Variants in TYK2 observed in about 807,000 individuals in gnomAD.
TYK2 encodes the protein non-receptor tyrosine-protein kinase TYK2.
TYK2 carries 65 observed loss-of-function variants against 130.9 expected under a neutral mutation model. The observed-to-expected ratio is 0.50, with a 90% CI of 0.41 to 0.61. The LOEUF is 0.61. TYK2 is among the 20% of genes least tolerant of loss of function. The pLI, the probability that TYK2 is intolerant of heterozygous loss-of-function variation, is 0.00. For synonymous variants in TYK2, 647 were observed against 658.9 expected (o/e 0.98, Z 0.28); for missense variants, 1,378 against 1,610.7 (o/e 0.86, Z 2.47).
At chr19:10,373,734 C>G (rs926567979) in intron 3 of TYK2, among the ~76,000 whole-genome samples, 9 of 152,174 alleles carry the variant, frequency 5.9e-5, no homozygotes, top group African/African-American at 2.2e-4. Context: ...CTCCCCATTG[C>G]TCCCGGAGAA....
rs752152984 is a variant in TYK2, at chr19:10,378,228, A to G, written c.179T>C (p.Ile60Thr). The G allele has an allele frequency of 1.2e-5, 19 of 1,612,670 alleles. No individual in the cohort carries two copies. The highest frequency in any genetic ancestry group is 2.2e-5 in the East Asian group (1 of 44,882). Residue 60 changes from isoleucine to threonine, a missense_variant, in exon 3 of 25, where the codon ATT becomes ACT. Transcript: ENST00000525621. The part of the protein sequence containing the change: ...SLTAEEVCIH[I>T]AHKVGITPPC... ...CCCAGACTCACCAACTTTATGTGCA[A>G]TGTGGATGCAGACTTCCTCAGCTGT...
At chr19:10,362,755 C>CAG (rs1287512325) in intron 9 of TYK2, 98 bp from the exon 10 acceptor site, 1 of 1,046,892 alleles carries the variant, frequency 9.6e-7, no homozygotes, top group Non-Finnish European at 1.4e-6. Flanking sequence ...AGGGCACACA[C>CAG]ACAGCTAGGA....
rs2040901228 is a variant in TYK2 at position 10,353,181 on chromosome 19, C to G, written c.3028-83G>C. 7.8e-7 allele frequency: 1 copy of G among 1,277,548 alleles called. No individual in the cohort carries two copies. The highest frequency in any genetic ancestry group is 1.0e-6 in the Non-Finnish European group (1 of 966,782). The allele number at this position is 1,277,548 out of a possible 1,614,324, so 79.1% of individuals were successfully genotyped here. A position where few individuals can be genotyped will look rare whatever the true frequency, so the allele number is the denominator to read the frequency against. ...GGCAGGACCTGAGCAGCCAGGAGGG[C>G]TGGGGGACAGTCAGGTCAGGCCGGT... On this transcript the variant is annotated intron_variant, in intron 21 of 24. Coordinates refer to ENST00000525621, the MANE Select transcript of TYK2 (RefSeq NM_003331.5). This position sits in a 1 kb window ranked among gnomAD's most constrained non-coding sequence, Gnocchi z 6.9.
chr19:10,372,484 A>ATATATTTTTTTTT (rs1390400916), intron 3 of TYK2, among the ~76,000 whole-genome samples: 1 of 37,438 alleles, frequency 2.7e-5, no homozygotes, highest in African/African-American at 1.3e-4. Context: ...ATATATATAT[A>ATATATTTTTTTTT]TTTTTTTTTT....
rs1302643176 is a variant in TYK2, at chr19:10,350,826, A to G, written c.*8T>C. 1 of 1,612,868 alleles carries G rather than the reference A, an allele frequency of 6.2e-7. No individual in the cohort carries two copies. The highest frequency in any genetic ancestry group is 1.7e-5 in the Admixed American group (1 of 60,002). ...TCCAGTCCTCCCAGGCAGGGCTGCC[A>G]TTGTGCCTCAGCACACGCTGAACAC... On this transcript the variant is annotated 3_prime_UTR_variant, in exon 25 of 25. Coordinates refer to ENST00000525621, the MANE Select transcript of TYK2 (RefSeq NM_003331.5).
Position 10,350,688 on chromosome 19 carries a change from A to T in TYK2, c.*146T>A, listed in dbSNP as rs145861532. On this transcript the variant is annotated 3_prime_UTR_variant, in exon 25 of 25. Transcript: ENST00000525621. Reference sequence around the variant, plus strand: ...CCAAGAAAGAAAAATAAGTTCACAGAGGTGGGGTCTCTAGACAGGAGTAAG... The same window carrying T: ...CCAAGAAAGAAAAATAAGTTCACAGTGGTGGGGTCTCTAGACAGGAGTAAG... The T allele has an allele frequency of 2.5e-3, 2,294 of 929,102 alleles. 37 individuals carry two copies. In the East Asian group the frequency reaches 0.03, roughly 12 times the overall value. The allele number at this position is 929,102 out of a possible 1,614,324, so 57.6% of individuals were successfully genotyped here.
At position 10,353,163 on chromosome 19, in the gene TYK2, C is replaced by T; in HGVS notation, c.3028-65G>A. On this transcript the variant is annotated intron_variant, in intron 21 of 24. Transcript: ENST00000525621. The surrounding 1 kb of genome is among the most constrained non-coding windows in gnomAD (Gnocchi z 6.9). The stretch of plus-strand genomic sequence containing the variant: ...GGTTCGGCCGGGGGCGGCGGCAGGA[C>T]CTGAGCAGCCAGGAGGGCTGGGGGA... 1 of 1,381,728 alleles carries T rather than the reference C, an allele frequency of 7.2e-7. No homozygotes were observed. Among genetic ancestry groups the T allele is most frequent in the Non-Finnish European group, 9.5e-7 (1 of 1,049,558 alleles). 85.6% of individuals were successfully genotyped at this position (1,381,728 alleles called of 1,614,324 possible). A position where few individuals can be genotyped will look rare whatever the true frequency, so the allele number is the denominator to read the frequency against.
Position 10,378,437 on chromosome 19 carries a change from G to C in TYK2, c.-20-11C>G. ...CGGCAGGTGGCTCAGCTGGAAAGGG[G>C]ACAATCTGTCAGCTCCCAAGTCTCA... On this transcript the variant is annotated splice_polypyrimidine_tract_variant and intron_variant, in intron 2 of 24. Coordinates refer to ENST00000525621, the MANE Select transcript of TYK2 (RefSeq NM_003331.5). 6.2e-7 allele frequency: 1 copy of C among 1,600,400 alleles called. No individual in the cohort carries two copies. Among genetic ancestry groups the C allele is most frequent in the Non-Finnish European group, 8.5e-7 (1 of 1,177,944 alleles).
At position 10,380,521 on chromosome 19, in the gene TYK2, A is replaced by G. The variant is rs2042325998; in HGVS notation, c.-327T>C. On this transcript the variant is annotated 5_prime_UTR_variant, in exon 1 of 25. Transcript: ENST00000525621. ...GCGTCCAGACTCACCCTTCCGGGGG[A>G]ACACAAGCTCGAACCCGGACCCCTC... is the stretch of plus-strand genomic sequence containing the variant. The G allele has an allele frequency of 6.6e-6, 1 of 152,324 alleles. No homozygotes were observed. Among genetic ancestry groups the G allele is most frequent in the Non-Finnish European group, 1.5e-5 (1 of 68,040 alleles). The allele number at this position is 152,324 out of a possible 1,614,324, so 9.4% of individuals were successfully genotyped here. A position where few individuals can be genotyped will look rare whatever the true frequency, so the allele number is the denominator to read the frequency against.
intron 22 of TYK2, 137 bp downstream of exon 22, chr19:10,352,789 G>A: frequency 8.4e-7 from 1 of 1,188,024 alleles, no homozygotes. Flanking sequence ...GCCTCCATAG[G>A]CCCCACCCCC....
At chr19:10,352,691 G>C in intron 22 of TYK2, 140 bp from the exon 23 acceptor site, 1 of 719,382 alleles carries the variant, frequency 1.4e-6, no homozygotes, top group East Asian at 2.6e-5. Flanking sequence ...CCTGAGCGGG[G>C]TGATATGCTC....
At chr19:10,363,819 C>T (rs1910080598) in intron 9 of TYK2, among the ~76,000 whole-genome samples, 1 of 152,204 alleles carries the variant, frequency 6.6e-6, no homozygotes, top group Admixed American at 6.5e-5. Context: ...TGTACGGGGG[C>T]AGCACACATA....
intron 3 of TYK2, among the ~76,000 whole-genome samples, chr19:10,371,468 C>T (rs913181162): frequency 2.0e-5 from 3 of 151,844 alleles, no homozygotes; most frequent in African/African-American, 7.3e-5. Context: ...TGGAGAAACC[C>T]CGTCTCTACT....
rs931108137 is a variant in TYK2 at position 10,356,820 on chromosome 19, G to A, written c.2467-102C>T. ...CCCCAGAGTGGACCGCCAGGTGCCC[G>A]CTCTTATCAGTTCCATTATACAGAT... On this transcript the variant is annotated intron_variant, in intron 17 of 24. Transcript: ENST00000525621. The A allele has an allele frequency of 5.8e-5, 71 of 1,231,854 alleles. 1 individual carries two copies. The highest frequency in any genetic ancestry group is 4.9e-4 in the Middle Eastern group (2 of 4,044). The allele number at this position is 1,231,854 out of a possible 1,614,324, so 76.3% of individuals were successfully genotyped here.
chr19:10,359,886 G>A (rs1472225093), intron 14 of TYK2, among the ~76,000 whole-genome samples: 1 of 152,006 alleles, frequency 6.6e-6, no homozygotes, highest in African/African-American at 2.4e-5. Context: ...AGGCATGGTG[G>A]TGGGCGCCGG....
At position 10,354,125 on chromosome 19, in the gene TYK2, G is replaced by T; in HGVS notation, c.2825C>A (p.Ser942Ter). 6.2e-7 allele frequency: 1 copy of T among 1,614,038 alleles called. No individual in the cohort carries two copies. ...LKADCGPQHR[S>*]GWKQEIDILR... ...AATGTCAATCTCCTGCTTCCAGCCC[G>T]AGCGGTGCTGGGGGCCGCAGTCTGC... Residue 942 changes from serine to a stop codon, truncating the protein, a stop_gained, in exon 20 of 25, where the codon TCG becomes TAG. Transcript: ENST00000525621. LOFTEE classifies it high-confidence loss of function.
intron 5 of TYK2, among the ~76,000 whole-genome samples, chr19:10,367,581 C>T (rs1016516022): frequency 5.9e-5 from 9 of 151,550 alleles, no homozygotes; most frequent in African/African-American, 9.7e-5. Flanking sequence ...GCTGAGATCA[C>T]GCCACTGCAC....
chr19:10,362,561 G>C lies in TYK2; in HGVS notation c.1464C>G (p.Ala488=). ...GCCCTGGGCTCACCTGGCTACGCTG[G>C]GCCACTGTGAGGATCAGGCGGTAGG... The part of the protein sequence containing the change: ...SHPYRLILTV[A]QRSQAPDGMQ... Residue 488 remains alanine, a synonymous_variant, in exon 10 of 25, where the codon GCC becomes GCG. Coordinates refer to ENST00000525621, the MANE Select transcript of TYK2 (RefSeq NM_003331.5). 1 of 1,555,162 alleles carries C rather than the reference G, an allele frequency of 6.4e-7. No individual in the cohort carries two copies. The highest frequency in any genetic ancestry group is 8.7e-7 in the Non-Finnish European group (1 of 1,149,034).
intron 14 of TYK2, among the ~76,000 whole-genome samples, chr19:10,360,245 GTC>G: frequency 6.6e-6 from 1 of 151,360 alleles, no homozygotes; most frequent in Middle Eastern, 3.4e-3. Flanking sequence ...CTGCAATCCT[GTC>G]ACTTTGGGAG....
Sources: gnomAD v4.1 joint callset for allele counts (sites outside exome capture counted in the v4.1 genomes callset) on GRCh38, gnomAD v4.1.1 for gene constraint, Gnocchi (gnomAD v3.1) non-coding constraint, MANE v1.5 for transcripts, NCBI Gene and HGNC (gene_info 2026-07-23, HGNC 2026-07-21) for gene names.